Variants in GLIS3 observed in about 807,000 individuals in gnomAD.
GLIS3 encodes the protein GLIS family zinc finger 3.
A neutral mutation model predicts 78.6 loss-of-function variants in GLIS3; 53 were observed. The observed-to-expected ratio is 0.67, with a 90% CI of 0.54 to 0.85. The LOEUF (loss-of-function observed/expected upper bound fraction) is 0.85, where lower values mean the gene tolerates loss of function less well. Among genes scored for constraint, GLIS3 ranks in the 40% least tolerant of loss-of-function variants. The pLI is 0.00. For synonymous variants in GLIS3, 684 were observed against 509.9 expected (o/e 1.34, Z -4.60); for missense variants, 1,703 against 1,231.1 (o/e 1.38, Z -5.74).
At chr9:4,309,368 A>G (rs1817304406) in intron 3 of GLIS3, among the ~76,000 whole-genome samples, 1 of 152,254 alleles carries the variant, frequency 6.6e-6, no homozygotes, top group Non-Finnish European at 1.5e-5. Flanking sequence ...AGTCATTTAA[A>G]CAATTTCCAC....
chr9:4,181,743 G>C (rs1817343339), intron 2 of GLIS3, among the ~76,000 whole-genome samples: 2 of 152,180 alleles, frequency 1.3e-5, no homozygotes, highest in Non-Finnish European at 2.9e-5. Flanking sequence ...AAACGCTTGA[G>C]CATTGGAGCT....
intron 9 of GLIS3, among the ~76,000 whole-genome samples, chr9:3,831,428 A>T (rs1315801592): frequency 1.3e-5 from 2 of 152,244 alleles, no homozygotes; most frequent in East Asian, 1.9e-4. Flanking sequence ...AAAATGTCAC[A>T]TTCTACCTAT....
intron 2 of GLIS3, among the ~76,000 whole-genome samples, chr9:4,285,063 T>C (rs970634530): frequency 1.3e-5 from 2 of 152,216 alleles, no homozygotes; most frequent in African/African-American, 4.8e-5. Context: ...AAATCATTAT[T>C]CACCTTAATT....
intron 2 of GLIS3, among the ~76,000 whole-genome samples, chr9:4,257,697 C>T (rs1283069081): frequency 1.3e-5 from 2 of 151,812 alleles, no homozygotes; most frequent in African/African-American, 4.8e-5. Flanking sequence ...CCTCAGCCTC[C>T]CAAGTAGCTG....
chr9:4,169,381 G>A (rs759702876), intron 2 of GLIS3, among the ~76,000 whole-genome samples: 1 of 152,182 alleles, frequency 6.6e-6, no homozygotes, highest in South Asian at 2.1e-4. Flanking sequence ...TCAGAGGTGA[G>A]GTCTACAGAT....
intron 2 of GLIS3, among the ~76,000 whole-genome samples, chr9:4,170,300 G>C (rs1235621716): frequency 1.3e-5 from 2 of 152,204 alleles, no homozygotes; most frequent in Non-Finnish European, 2.9e-5. Context: ...CACAGACTTG[G>C]AAATAGGCTG....
chr9:3,931,875 A>C (rs1217566339), intron 6 of GLIS3, among the ~76,000 whole-genome samples: 1 of 152,246 alleles, frequency 6.6e-6, no homozygotes, highest in Admixed American at 6.5e-5. Flanking sequence ...CTAAGCTTAA[A>C]GAATGCTCTC....
At chr9:4,090,259 C>A (rs1588646617) in intron 4 of GLIS3, among the ~76,000 whole-genome samples, 1 of 152,132 alleles carries the variant, frequency 6.6e-6, no homozygotes, top group African/African-American at 2.4e-5. Flanking sequence ...TGCCTTCCTG[C>A]CTACAGCCCA....
the GLIS3 span, among the ~76,000 whole-genome samples, chr9:4,468,644 G>A: frequency 9.0e-3 from 1,373 of 152,202 alleles, 12 homozygotes; most frequent in African/African-American, 0.031. Context: ...AGCACTAAAC[G>A]TGGAAAGGAA....
At chr9:4,133,742 G>A (rs549626657) in intron 2 of GLIS3, among the ~76,000 whole-genome samples, 1 of 151,484 alleles carries the variant, frequency 6.6e-6, no homozygotes, top group South Asian at 2.1e-4. Flanking sequence ...CTCTCATATG[G>A]TACCTTTCTG....
chr9:4,296,174 G>A (rs1816486827), intron 1 of GLIS3, among the ~76,000 whole-genome samples: 1 of 151,694 alleles, frequency 6.6e-6, no homozygotes, highest in Non-Finnish European at 1.5e-5. Context: ...TATAATCTGG[G>A]AGAAGAGTAA....
chr9:4,377,239 G>A, the GLIS3 span, among the ~76,000 whole-genome samples: 1 of 135,302 alleles, frequency 7.4e-6, no homozygotes, highest in Non-Finnish European at 1.7e-5. Flanking sequence ...CCATCCAACT[G>A]GCTGCCAGCG....
chr9:4,009,712 GCAC>G (rs1010251927), intron 4 of GLIS3, among the ~76,000 whole-genome samples: 6 of 152,304 alleles, frequency 3.9e-5, no homozygotes, highest in Admixed American at 6.5e-5. Flanking sequence ...CAAATGTCAG[GCAC>G]CACCAGAGCG....
chr9:3,859,507 A>G (rs1361504403), intron 8 of GLIS3, among the ~76,000 whole-genome samples: 1 of 152,206 alleles, frequency 6.6e-6, no homozygotes, highest in African/African-American at 2.4e-5. Flanking sequence ...AATAAACAAA[A>G]CATTGTAATG....
intron 4 of GLIS3, among the ~76,000 whole-genome samples, chr9:3,943,191 T>G (rs1216207447): frequency 6.6e-6 from 1 of 152,212 alleles, no homozygotes; most frequent in Non-Finnish European, 1.5e-5. Flanking sequence ...ATTTACATGC[T>G]CTAGCAAATC....
At chr9:4,417,526 TA>T in the GLIS3 span, among the ~76,000 whole-genome samples, 1 of 152,222 alleles carries the variant, frequency 6.6e-6, no homozygotes, top group African/African-American at 2.4e-5. Context: ...TTCTTTTTGG[TA>T]GATATATAGT....
At chr9:4,340,006 G>C (rs368308770) in intron 2 of GLIS3, among the ~76,000 whole-genome samples, 1 of 151,642 alleles carries the variant, frequency 6.6e-6, no homozygotes, top group South Asian at 2.1e-4. Context: ...ACAAAGACTA[G>C]GGAGAAGTCA....
intron 1 of GLIS3, among the ~76,000 whole-genome samples, chr9:4,297,612 G>T (rs1380628796): frequency 6.6e-6 from 1 of 152,154 alleles, no homozygotes; most frequent in Non-Finnish European, 1.5e-5. Context: ...TTGTGAAACG[G>T]GGCCGCGACT....
In GLIS3 at chr9:4,118,865, C is replaced by G; in HGVS notation, c.613G>C (p.Glu205Gln). Residue 205 changes from glutamate (E) to glutamine (Q), a missense_variant, in exon 4 of 11, where the codon GAG becomes CAG. Transcript: ENST00000381971. The surrounding 1 kb of genome is among the most constrained non-coding windows in gnomAD (Gnocchi z 4.7). ...CTCAAGGTCGTGGACGCCAAAGACT[C>G]ACGCGAAATAAGGGACCTGGAACAG... ...PSDTRSLISR[E>Q]SLASTTLSLT... The G allele has an allele frequency of 6.2e-7, 1 of 1,601,500 alleles. No individual in the cohort carries two copies. Among genetic ancestry groups the G allele is most frequent in the Non-Finnish European group, 8.5e-7 (1 of 1,179,904 alleles).
Sources: allele counts gnomAD v4.1 joint callset (sites outside exome capture counted in the v4.1 genomes callset), GRCh38; gene constraint gnomAD v4.1.1; non-coding constraint Gnocchi (gnomAD v3.1); transcripts MANE v1.5; gene names NCBI Gene and HGNC (gene_info 2026-07-23, HGNC 2026-07-21).